CCDC93: variants seen among roughly 807,000 people sequenced by gnomAD.
CCDC93 encodes the protein coiled-coil domain-containing protein 93.
Under a neutral mutation model 108.2 loss-of-function variants are expected in CCDC93, and 61 were observed. That is an observed-to-expected ratio of 0.56 (90% confidence interval 0.46 to 0.70). The LOEUF (loss-of-function observed/expected upper bound fraction) is 0.70, where lower values mean the gene tolerates loss of function less well. Ranked by LOEUF, CCDC93 falls within the 30% of genes least tolerant of loss-of-function variation. The pLI, the probability that CCDC93 is intolerant of heterozygous loss-of-function variation, is 0.00. For synonymous variants in CCDC93, 276 were observed against 260.4 expected (o/e 1.06, Z -0.58); for missense variants, 685 against 764.2 (o/e 0.90, Z 1.22).
At position 117,918,392 on chromosome 2, in the gene CCDC93, C is replaced by T. The variant is rs1317873465; in HGVS notation, c.*1951G>A. The T allele has an allele frequency of 6.6e-6, 1 of 152,100 alleles. No homozygotes were observed. Among genetic ancestry groups the T allele is most frequent in the Non-Finnish European group, 1.5e-5 (1 of 68,028 alleles). The allele number at this position is 152,100 out of a possible 1,614,324, so 9.4% of individuals were successfully genotyped here. On this transcript the variant is annotated 3_prime_UTR_variant, in exon 24 of 24. Coordinates refer to ENST00000376300, the MANE Select transcript of CCDC93 (RefSeq NM_019044.5). ...AACCAAATGAAACTCCTATGAAATA[C>T]AGCTCAAAATAAATGCCTGCACTTT... is the stretch of plus-strand genomic sequence containing the variant.
At chr2:117,940,651 A>G (rs1476229156) in intron 19 of CCDC93, among the ~76,000 whole-genome samples, 1 of 152,214 alleles carries the variant, frequency 6.6e-6, no homozygotes, top group African/African-American at 2.4e-5. Flanking sequence ...TAGCTGAGAT[A>G]TGATGCAAGA....
chr2:117,973,772 AGT>A, intron 11 of CCDC93, 134 bp downstream of exon 11: 5 of 689,668 alleles, frequency 7.2e-6, no homozygotes, highest in East Asian at 2.7e-5. Context: ...GGTAAAGCCC[AGT>A]GTGTTTCTGA....
At position 117,948,201 on chromosome 2, in the gene CCDC93, CA is replaced by C; in HGVS notation, c.1143-16del. 3.8e-6 allele frequency: 6 copies of C among 1,590,370 alleles called. No homozygotes were observed. The highest frequency in any genetic ancestry group is 1.3e-5 in the African/African-American group (1 of 74,152). ...TCTGTAGGATACTGAAGAGAAAAGA[CA>C]AAAAAATGACATATGGCAGGCCATT... On this transcript the variant is annotated splice_polypyrimidine_tract_variant and intron_variant, in intron 14 of 23. Coordinates refer to ENST00000376300, the MANE Select transcript of CCDC93 (RefSeq NM_019044.5).
Position 117,963,908 on chromosome 2 carries a change from G to A in CCDC93, c.889-5427C>T, listed in dbSNP as rs561706773. Reference sequence around the variant, plus strand: ...TCCAAGTCTTTATGCAAATTGATACGGACTCTGAAATGTATAAGTTGTGCT... The same window carrying A: ...TCCAAGTCTTTATGCAAATTGATACAGACTCTGAAATGTATAAGTTGTGCT... On this transcript the variant is annotated intron_variant, in intron 11 of 23. Transcript: ENST00000376300. 5.9e-5 allele frequency among the ~76,000 whole-genome samples: 9 copies of A among 152,276 alleles called. No individual in the cohort carries two copies. The East Asian group carries it at 7.7e-4, about 13-fold the overall frequency.
At chr2:117,950,822 CCAGAGAGGGCTCTGATGCCAGG>C in intron 13 of CCDC93, 1 of 985,380 alleles carries the variant, frequency 1.0e-6, no homozygotes, top group Non-Finnish European at 1.2e-6. Flanking sequence ...TAGTAAGCTC[CCAGAGAGGGCTCTGATGCCAGG>C]CTGCCTGTAT....
intron 6 of CCDC93, among the ~76,000 whole-genome samples, chr2:117,987,432 C>T (rs1680353738): frequency 6.6e-6 from 1 of 152,208 alleles, no homozygotes; most frequent in Non-Finnish European, 1.5e-5. Context: ...ACTCATTCTA[C>T]AATCTGAAGC....
At chr2:117,927,613 T>C (rs772567771) in intron 23 of CCDC93, among the ~76,000 whole-genome samples, 6 of 152,022 alleles carry the variant, frequency 3.9e-5, no homozygotes, top group Non-Finnish European at 8.8e-5. Context: ...TAAAATAGGA[T>C]ACAAACAAAT....
In CCDC93 at chr2:117,915,658, T is replaced by C. The variant is rs1677658304; in HGVS notation, c.*4685A>G. The C allele has an allele frequency of 6.6e-6, 1 of 152,212 alleles. No homozygotes were observed. The highest frequency in any genetic ancestry group is 1.5e-5 in the Non-Finnish European group (1 of 68,034). The allele number at this position is 152,212 out of a possible 1,614,324, so 9.4% of individuals were successfully genotyped here. On this transcript the variant is annotated 3_prime_UTR_variant, in exon 24 of 24. Coordinates refer to ENST00000376300, the MANE Select transcript of CCDC93 (RefSeq NM_019044.5). Reference sequence around the variant, plus strand: ...ACAAAAGGTGTACATTGAAAAGTCATTCCCACCCCTCTTCCCAGAGGCAAT... The same window carrying C: ...ACAAAAGGTGTACATTGAAAAGTCACTCCCACCCCTCTTCCCAGAGGCAAT...
At chr2:117,983,769 G>C (rs1680231803) in intron 7 of CCDC93, among the ~76,000 whole-genome samples, 1 of 152,008 alleles carries the variant, frequency 6.6e-6, no homozygotes, top group East Asian at 1.9e-4. Flanking sequence ...GAAAGGAAGG[G>C]AGAAGCCTTC....
intron 11 of CCDC93, among the ~76,000 whole-genome samples, chr2:117,972,343 T>C (rs182814806): frequency 2.0e-5 from 3 of 152,194 alleles, no homozygotes; most frequent in East Asian, 1.9e-4. Context: ...TCCATCAGAG[T>C]TGGATAGAGA....
intron 22 of CCDC93, among the ~76,000 whole-genome samples, chr2:117,933,799 G>A (rs141958813): frequency 5.1e-4 from 76 of 149,508 alleles, no homozygotes; most frequent in Middle Eastern, 3.5e-3. Context: ...CATTCAAAGC[G>A]TATCTGGAGC....
intron 6 of CCDC93, among the ~76,000 whole-genome samples, chr2:117,993,220 C>T (rs1193857416): frequency 3.3e-5 from 5 of 151,902 alleles, no homozygotes; most frequent in Admixed American, 2.6e-4. Flanking sequence ...CACGGTGAAA[C>T]CCCATCTCTA....
At chr2:117,925,593 C>T (rs1006564600) in intron 23 of CCDC93, among the ~76,000 whole-genome samples, 5 of 152,096 alleles carry the variant, frequency 3.3e-5, no homozygotes, top group Non-Finnish European at 5.9e-5. Context: ...ATATATGCAC[C>T]CAATACAGGA....
chr2:117,926,433 G>C (rs1180637262), intron 23 of CCDC93, among the ~76,000 whole-genome samples: 3 of 151,880 alleles, frequency 2.0e-5, no homozygotes, highest in African/African-American at 7.3e-5. Context: ...ATAATAAAGG[G>C]GATATCACCA....
chr2:117,916,364 C>A lies in CCDC93; in HGVS notation c.*3979G>T, dbSNP rs1677686356. On this transcript the variant is annotated 3_prime_UTR_variant, in exon 24 of 24. Coordinates refer to ENST00000376300, the MANE Select transcript of CCDC93 (RefSeq NM_019044.5). Reference sequence around the variant, plus strand: ...AAAAAAAAATCTGTAAAAGGCAATTCCTTTGAAAGATTCAAAACCTCTGAC... The same window carrying A: ...AAAAAAAAATCTGTAAAAGGCAATTACTTTGAAAGATTCAAAACCTCTGAC... 6.6e-6 allele frequency: 1 copy of A among 152,182 alleles called. No homozygotes were observed. The highest frequency in any genetic ancestry group is 1.5e-5 in the Non-Finnish European group (1 of 68,022). The allele number at this position is 152,182 out of a possible 1,614,324, so 9.4% of individuals were successfully genotyped here.
intron 2 of CCDC93, among the ~76,000 whole-genome samples, chr2:118,007,967 A>G (rs942774153): frequency 6.6e-6 from 1 of 152,180 alleles, no homozygotes; most frequent in East Asian, 1.9e-4. Flanking sequence ...GCATCATGCC[A>G]TTTATTCTGT....
intron 6 of CCDC93, among the ~76,000 whole-genome samples, chr2:117,992,927 T>C (rs1244929552): frequency 2.6e-5 from 4 of 151,744 alleles, no homozygotes; most frequent in African/African-American, 9.7e-5. Flanking sequence ...AATGTGCCTC[T>C]AGGGGCTTTA....
chr2:117,948,450 A>G (rs750983834), intron 14 of CCDC93, among the ~76,000 whole-genome samples: 6 of 152,238 alleles, frequency 3.9e-5, no homozygotes, highest in Non-Finnish European at 8.8e-5. Flanking sequence ...AGAAACATCA[A>G]TGAGTTTCAA....
chr2:118,010,431 C>A (rs186268642), intron 1 of CCDC93, among the ~76,000 whole-genome samples: 2 of 152,274 alleles, frequency 1.3e-5, no homozygotes, highest in East Asian at 3.9e-4. Flanking sequence ...CTATATAAAA[C>A]ACCAATAAGA....
Sources: gnomAD v4.1 joint callset for allele counts (sites outside exome capture counted in the v4.1 genomes callset) on GRCh38, gnomAD v4.1.1 for gene constraint, MANE v1.5 for transcripts, NCBI Gene and HGNC (gene_info 2026-07-23, HGNC 2026-07-21) for gene names.